Variants in HSP90AA1 observed in about 807,000 individuals in gnomAD.
The protein encoded by HSP90AA1 is heat shock protein HSP 90-alpha.
A neutral mutation model predicts 73.3 loss-of-function variants in HSP90AA1; 18 were observed. The observed-to-expected ratio is 0.25, with a 90% CI of 0.17 to 0.36. The LOEUF is 0.36. Ranked by LOEUF, HSP90AA1 falls within the 10% of genes least tolerant of loss-of-function variation. The pLI is 1.00. For missense variants in HSP90AA1, 704 were observed against 874.2 expected, an observed-to-expected ratio of 0.81 and a Z score of 2.45; for synonymous variants, 477 against 296.9, an observed-to-expected ratio of 1.61 and a Z score of -6.24.
intron 2 of HSP90AA1, among the ~76,000 whole-genome samples, chr14:102,092,062 T>C (rs1356175943): frequency 3.9e-5 from 6 of 152,104 alleles, no homozygotes; most frequent in African/African-American, 7.2e-5. Context: ...TTCAGATTTT[T>C]TTTGTTACTG....
At position 102,101,991 on chromosome 14, in the gene HSP90AA1, G is replaced by A. The variant is rs1595668876; in HGVS notation, c.250C>T (p.Gln84Ter). ...GGGAATGCAGAGACGTGGAAGGGCT[G>A]TTTCCAGAGACAGAGTAGAGTGGTG... The change falls in exon 2 of 12, where the codon CAG becomes TAG. Residue 84 changes from glutamine to a stop codon, truncating the protein, a stop_gained. Coordinates refer to the HSP90AA1 transcript ENST00000334701. LOFTEE classifies it high-confidence loss of function. The A allele has an allele frequency of 2.5e-6, 4 of 1,614,026 alleles. No homozygotes were observed. Among genetic ancestry groups the A allele is most frequent in the Non-Finnish European group, 2.5e-6 (3 of 1,179,974 alleles).
At chr14:102,094,066 A>T (rs1277443002) in intron 2 of HSP90AA1, among the ~76,000 whole-genome samples, 1 of 152,156 alleles carries the variant, frequency 6.6e-6, no homozygotes, top group Non-Finnish European at 1.5e-5. Flanking sequence ...GGAGCAACCC[A>T]GTTTTTCCAT....
intron 1 of HSP90AA1, 133 bp from the exon 2 acceptor site, chr14:102,086,511 G>T: frequency 2.0e-6 from 2 of 1,023,624 alleles, no homozygotes; most frequent in South Asian, 2.6e-5. Context: ...GAAAATAGAA[G>T]GGCGGCTGAC....
Position 102,085,991 on chromosome 14 carries a change from G to C in HSP90AA1, c.296C>G (p.Thr99Ser), listed in dbSNP as rs2152613019. 6.2e-6 allele frequency: 10 copies of C among 1,613,902 alleles called. No homozygotes were observed. The highest frequency in any genetic ancestry group is 8.5e-6 in the Non-Finnish European group (10 of 1,179,832). Residue 99 changes from threonine (T) to serine (S), a missense_variant, in exon 3 of 11, where the codon ACC (threonine) becomes AGC (serine). Thr to Ser is a moderately conservative substitution (Grantham distance 58). Coordinates refer to ENST00000216281, the MANE Select transcript of HSP90AA1 (RefSeq NM_005348.4). ...LTIVDTGIGMTKADLINNLGT... is the reference protein window; with the variant it reads ...LTIVDTGIGMSKADLINNLGT... ...AAGGTTATTGATCAAGTCAGCCTTG[G>C]TCATTCCAATTCCAGTATCCACAAT...
intron 10 of HSP90AA1, 145 bp from the exon 11 acceptor site, chr14:102,081,966 C>T: frequency 1.3e-6 from 1 of 769,554 alleles, no homozygotes; most frequent in East Asian, 2.6e-5. Flanking sequence ...TAAGACCTTA[C>T]TTATCCCTAA....
chr14:102,086,002 T>C lies in HSP90AA1; in HGVS notation c.285A>G (p.Gly95=). Residue 95 remains glycine, a synonymous_variant, in exon 3 of 11, where the codon GGA becomes GGG. Coordinates refer to ENST00000216281, the MANE Select transcript of HSP90AA1 (RefSeq NM_005348.4). The part of the protein sequence containing the change: ...QDRTLTIVDT[G]IGMTKADLIN... ...TCAAGTCAGCCTTGGTCATTCCAAT[T>C]CCAGTATCCACAATAGTGAGAGTTC... 2 of 1,613,976 alleles carry C rather than the reference T, an allele frequency of 1.2e-6. No individual in the cohort carries two copies. The highest frequency in any genetic ancestry group is 1.7e-6 in the Non-Finnish European group (2 of 1,179,852).
chr14:102,108,124 G>A (rs1369411812), intron 1 of HSP90AA1, among the ~76,000 whole-genome samples: 2 of 151,640 alleles, frequency 1.3e-5, no homozygotes, highest in Non-Finnish European at 2.9e-5. Context: ...TTAGCTAAGT[G>A]TGGTGGCATG....
At chr14:102,082,887 G>T in intron 9 of HSP90AA1, 147 bp downstream of exon 9, 1 of 801,636 alleles carries the variant, frequency 1.2e-6, no homozygotes, top group Non-Finnish European at 2.2e-6. Context: ...CCAAAGTGCT[G>T]GGATTGCAGG....
Position 102,086,222 on chromosome 14 carries a change from A to C in HSP90AA1, c.157T>G (p.Ser53Ala), listed in dbSNP as rs2049229220. 1 of 1,614,096 alleles carries C rather than the reference A, an allele frequency of 6.2e-7. No homozygotes were observed. ...TGGGTTAATAAGTGACTTACATCTG[A>C]TGAATTTGAAATGAGCTCTCTCAGA... ...IFLRELISNS[S>A]DALDKIRYES... The change falls in exon 2 of 11, where the codon TCA (serine) becomes GCA (alanine). Residue 53 changes from serine (S) to alanine (A), a missense_variant. By Grantham distance (99) the Ser-to-Ala change is moderately conservative. Coordinates refer to ENST00000216281, the MANE Select transcript of HSP90AA1 (RefSeq NM_005348.4).
In HSP90AA1 at chr14:102,139,478, C is replaced by T. The variant is rs571275764; in HGVS notation, c.-74G>A. ...GTCGGGGTGGCGCTCTTCCTCCGCT[C>T]TTTGGGGTCCCGGCGCCCCTCAGGG... On this transcript the variant is annotated 5_prime_UTR_variant, in exon 1 of 12. Transcript: ENST00000334701. The T allele has an allele frequency of 3.7e-5, 53 of 1,425,232 alleles. No individual in the cohort carries two copies. The African/African-American group carries it at 6.4e-4, about 17-fold the overall frequency. The allele number at this position is 1,425,232 out of a possible 1,614,324, so 88.3% of individuals were successfully genotyped here.
intron 6 of HSP90AA1, 174 bp from the exon 7 acceptor site, chr14:102,084,157 C>G (rs537550213): frequency 2.8e-6 from 2 of 705,284 alleles, no homozygotes; most frequent in East Asian, 2.7e-5. Context: ...GCAACCTCTG[C>G]CTCCCGGGGG....
upstream of HSP90AA1, among the ~76,000 whole-genome samples, chr14:102,090,735 G>A (rs534159059): frequency 1.3e-5 from 2 of 152,354 alleles, no homozygotes; most frequent in African/African-American, 4.8e-5. Context: ...AGAGGCGTGA[G>A]CCACAGTGCC....
At chr14:102,101,938 C>G (rs1190046045) in exon 2 of HSP90AA1, 1 of 1,614,190 alleles carries the variant, frequency 6.2e-7, no homozygotes, top group Non-Finnish European at 8.5e-7. Flanking sequence ...CACCTTGGCT[C>G]TGTCTGAAGG....
intron 1 of HSP90AA1, among the ~76,000 whole-genome samples, chr14:102,115,400 T>A (rs1424982533): frequency 6.6e-6 from 1 of 152,174 alleles, no homozygotes; most frequent in Admixed American, 6.5e-5. Flanking sequence ...GGAATCTAGA[T>A]TTGCAAGGAT....
intron 1 of HSP90AA1, 50 bp downstream of exon 1, chr14:102,086,936 C>G: frequency 1.1e-6 from 1 of 947,672 alleles, no homozygotes; most frequent in Non-Finnish European, 1.3e-6. Flanking sequence ...CAGCCGCCCC[C>G]AGTCCCGGTC....
chr14:102,094,779 C>T (rs2049403108), intron 2 of HSP90AA1, among the ~76,000 whole-genome samples: 1 of 152,120 alleles, frequency 6.6e-6, no homozygotes, highest in Non-Finnish European at 1.5e-5. Flanking sequence ...GAAACGTGGC[C>T]TGGAGATCAT....
chr14:102,084,159 T>TC (rs750628575), intron 6 of HSP90AA1, 176 bp from the exon 7 acceptor site: 237 of 700,474 alleles, frequency 3.4e-4, no homozygotes, highest in Non-Finnish European at 5.7e-5. Flanking sequence ...AACCTCTGCC[T>TC]CCCGGGGGGG....
At chr14:102,101,672 C>A (rs758301058) in intron 2 of HSP90AA1, among the ~76,000 whole-genome samples, 1 of 152,200 alleles carries the variant, frequency 6.6e-6, no homozygotes, top group Non-Finnish European at 1.5e-5. Context: ...CAGGCAGGGA[C>A]CTGGGACTCT....
At chr14:102,122,824 T>A (rs138083547) in intron 1 of HSP90AA1, among the ~76,000 whole-genome samples, 6 of 151,370 alleles carry the variant, frequency 4.0e-5, no homozygotes, top group African/African-American at 1.2e-4. Context: ...CCTGCCACCA[T>A]GCCCAGCTGA....
Sources: gnomAD v4.1 joint callset for allele counts (sites outside exome capture counted in the v4.1 genomes callset) on GRCh38, gnomAD v4.1.1 for gene constraint, MANE v1.5 for transcripts, NCBI Gene and HGNC (gene_info 2026-07-23, HGNC 2026-07-21) for gene names.